The following FBXO34 variants were observed in gnomAD, a reference collection of about 807,000 sequenced individuals.
FBXO34 encodes F-box only protein 34.
In FBXO34, 12 loss-of-function variants were observed where a neutral mutation model predicts 24.5. That is an observed-to-expected ratio of 0.49 (90% CI 0.31 to 0.79). The LOEUF is 0.79. Among genes scored for constraint, FBXO34 ranks in the 30% least tolerant of loss-of-function variants. The probability of loss-of-function intolerance (pLI) is 0.04; values close to 1 mark genes in which losing one functional copy is unlikely to be tolerated. For synonymous variants in FBXO34, 320 were observed against 311.9 expected (o/e 1.03, Z -0.27); for missense variants, 823 against 857.7 (o/e 0.96, Z 0.51).
chr14:55,369,695 C>G (rs1332439489), downstream of FBXO34: 2 of 1,604,028 alleles, frequency 1.2e-6, no homozygotes, highest in Admixed American at 1.7e-5. Flanking sequence ...ACCTGCACTG[C>G]TGCTCGCGAT....
chr14:55,429,033 GTGT>G, the FBXO34 span: 2 of 1,579,114 alleles, frequency 1.3e-6, no homozygotes, highest in Non-Finnish European at 1.7e-6. Flanking sequence ...TCAACTACTG[GTGT>G]TGTATTGGAT....
chr14:55,439,808 G>A, the FBXO34 span, among the ~76,000 whole-genome samples: 2 of 151,398 alleles, frequency 1.3e-5, no homozygotes, highest in African/African-American at 2.4e-5. Context: ...GCGGGCTCCT[G>A]TAGTCCCAGC....
intron 1 of FBXO34, among the ~76,000 whole-genome samples, chr14:55,283,984 G>GTGTGTA (rs988247644): frequency 8.6e-5 from 13 of 151,256 alleles, no homozygotes; most frequent in African/African-American, 2.9e-4. Flanking sequence ...GTCTGTGTGT[G>GTGTGTA]TGTGTATGTG....
chr14:55,339,501 C>G (rs1344196849), intron 1 of FBXO34: 1 of 151,732 alleles, frequency 6.6e-6, no homozygotes, highest in Non-Finnish European at 1.5e-5. Flanking sequence ...TTAGGAATTC[C>G]AAGTTTTGTC....
chr14:55,315,514 G>C (rs1882897741), intron 1 of FBXO34, among the ~76,000 whole-genome samples: 1 of 152,162 alleles, frequency 6.6e-6, no homozygotes, highest in Non-Finnish European at 1.5e-5. Flanking sequence ...TGGCAGAACA[G>C]GTTCTCCAAG....
At chr14:55,275,841 A>C (rs1054775785) in intron 1 of FBXO34, among the ~76,000 whole-genome samples, 2 of 147,834 alleles carry the variant, frequency 1.4e-5, no homozygotes, top group Non-Finnish European at 3.0e-5. Context: ...AAAAAAAAAA[A>C]CGAGGATAAA....
At chr14:55,296,391 GTTTTTT>G (rs1167344634) in intron 1 of FBXO34, among the ~76,000 whole-genome samples, 2 of 64,752 alleles carry the variant, frequency 3.1e-5, no homozygotes, top group African/African-American at 5.7e-5. Context: ...TGTTTTTTTT[GTTTTTT>G]TTTTTTTTTT....
At chr14:55,383,793 C>T in the FBXO34 span, among the ~76,000 whole-genome samples, 1 of 152,090 alleles carries the variant, frequency 6.6e-6, no homozygotes, top group Non-Finnish European at 1.5e-5. Flanking sequence ...CATGAGAAGT[C>T]ACAGCAGGTA....
intron 1 of FBXO34, among the ~76,000 whole-genome samples, chr14:55,323,159 TGG>T (rs1240702542): frequency 9.6e-6 from 1 of 104,042 alleles, no homozygotes; most frequent in Non-Finnish European, 1.8e-5. Context: ...CACTCCAGCC[TGG>T]GCGACAGAGT....
intron 1 of FBXO34, among the ~76,000 whole-genome samples, chr14:55,311,878 C>G (rs992893247): frequency 1.3e-5 from 2 of 151,888 alleles, no homozygotes; most frequent in African/African-American, 4.8e-5. Context: ...CAGGTGCCCA[C>G]CACCATGCCC....
the FBXO34 span, chr14:55,414,358 G>C: frequency 6.4e-7 from 1 of 1,559,788 alleles, no homozygotes; most frequent in Non-Finnish European, 8.7e-7. Flanking sequence ...CCAGAATAAT[G>C]TGAGATGCTG....
At chr14:55,402,849 C>T in the FBXO34 span, among the ~76,000 whole-genome samples, 1 of 112,644 alleles carries the variant, frequency 8.9e-6, no homozygotes, top group Non-Finnish European at 1.7e-5. Context: ...TTATTTGAAT[C>T]GAGTTCAAGA....
chr14:55,420,026 C>T, the FBXO34 span, among the ~76,000 whole-genome samples: 1 of 152,202 alleles, frequency 6.6e-6, no homozygotes, highest in Non-Finnish European at 1.5e-5. Context: ...GCCTTGGTTC[C>T]TTTCCTGAGG....
At chr14:55,434,531 C>T in the FBXO34 span, among the ~76,000 whole-genome samples, 1 of 152,184 alleles carries the variant, frequency 6.6e-6, no homozygotes, top group Non-Finnish European at 1.5e-5. Flanking sequence ...AGATCCTATA[C>T]ACTCATCCCC....
At chr14:55,407,493 G>C in the FBXO34 span, among the ~76,000 whole-genome samples, 1 of 151,970 alleles carries the variant, frequency 6.6e-6, no homozygotes. Flanking sequence ...TCGCTCTCCT[G>C]GCCTCAAGTG....
downstream of FBXO34, among the ~76,000 whole-genome samples, chr14:55,371,924 C>T (rs1463824087): frequency 6.6e-6 from 1 of 152,128 alleles, no homozygotes; most frequent in Non-Finnish European, 1.5e-5. Flanking sequence ...TTTCTACTGC[C>T]CCTTGAATTT....
chr14:55,305,541 C>A (rs1035034921), intron 1 of FBXO34, among the ~76,000 whole-genome samples: 2 of 150,292 alleles, frequency 1.3e-5, no homozygotes, highest in African/African-American at 2.5e-5. Flanking sequence ...CCAAAAAATA[C>A]AAAAATTAGC....
intron 1 of FBXO34, among the ~76,000 whole-genome samples, chr14:55,288,536 G>A (rs886514246): frequency 6.6e-6 from 1 of 152,092 alleles, no homozygotes; most frequent in African/African-American, 2.4e-5. Context: ...ACCACGTACG[G>A]CCTGTTTGAT....
chr14:55,383,067 A>T, the FBXO34 span, among the ~76,000 whole-genome samples: 1 of 152,200 alleles, frequency 6.6e-6, no homozygotes, highest in Non-Finnish European at 1.5e-5. Context: ...CAAAAAGAGC[A>T]GCTAGTTCAG....
Sources: allele counts gnomAD v4.1 joint callset (sites outside exome capture counted in the v4.1 genomes callset), GRCh38; gene constraint gnomAD v4.1.1; transcripts MANE v1.5; gene names NCBI Gene and HGNC (gene_info 2026-07-23, HGNC 2026-07-21).